Variants in ROBO2 observed in about 807,000 individuals in gnomAD.
ROBO2 encodes the protein roundabout guidance receptor 2.
A neutral mutation model predicts 160.8 loss-of-function variants in ROBO2; 53 were observed. The ratio of observed to expected loss-of-function variants is 0.33; its 90% CI spans 0.26 to 0.41. The LOEUF (loss-of-function observed/expected upper bound fraction) is 0.41. Ranked by LOEUF, ROBO2 falls within the 10% of genes least tolerant of loss-of-function variation. The pLI is 1.00. For missense variants in ROBO2, 1,577 were observed against 1,722.4 expected (o/e 0.92, Z 1.49); for synonymous variants, 664 against 611.7 (o/e 1.09, Z -1.26).
intron 2 of ROBO2, among the ~76,000 whole-genome samples, chr3:77,428,578 G>C (rs974417149): frequency 6.6e-6 from 1 of 150,648 alleles, no homozygotes; most frequent in Non-Finnish European, 1.5e-5. Context: ...GGATGGTCTC[G>C]ATCTCCTGAC....
At chr3:77,222,478 T>A (rs147653168) in intron 2 of ROBO2, among the ~76,000 whole-genome samples, 65 of 152,286 alleles carry the variant, frequency 4.3e-4, no homozygotes, top group Middle Eastern at 3.4e-3. Context: ...AAGACTTTTT[T>A]TTAAATGGAA....
chr3:76,853,073 T>G (rs961327604), intron 2 of ROBO2, among the ~76,000 whole-genome samples: 1 of 152,062 alleles, frequency 6.6e-6, no homozygotes, highest in Non-Finnish European at 1.5e-5. Context: ...TCAGACCTCC[T>G]CATACATCTG....
intron 2 of ROBO2, among the ~76,000 whole-genome samples, chr3:76,100,320 C>T (rs2069633782): frequency 6.6e-6 from 1 of 152,126 alleles, no homozygotes. Flanking sequence ...ATAAATAATA[C>T]ACACATTCTT....
At chr3:76,021,445 G>T (rs2066572367) in intron 2 of ROBO2, among the ~76,000 whole-genome samples, 1 of 151,724 alleles carries the variant, frequency 6.6e-6, no homozygotes, top group Non-Finnish European at 1.5e-5. Context: ...CTAGATGCTT[G>T]ATATAAGAGA....
chr3:76,039,286 C>T (rs2067209709), intron 2 of ROBO2, among the ~76,000 whole-genome samples: 1 of 151,692 alleles, frequency 6.6e-6, no homozygotes, highest in Admixed American at 6.6e-5. Context: ...GTAAAATAGT[C>T]ATTTTGAAGG....
intron 2 of ROBO2, among the ~76,000 whole-genome samples, chr3:76,125,182 C>CT (rs1290003416): frequency 3.9e-5 from 6 of 152,094 alleles, no homozygotes; most frequent in African/African-American, 1.2e-4. Flanking sequence ...TGATTTCATT[C>CT]TTTTTTATGG....
chr3:77,546,267 A>G, intron 6 of ROBO2, 71 bp from the exon 8 acceptor site: 1 of 1,545,414 alleles, frequency 6.5e-7, no homozygotes, highest in Non-Finnish European at 8.9e-7. Context: ...ATAGTACCAT[A>G]TTTTCTCCTT....
chr3:75,969,103 A>AT (rs1212819998), intron 2 of ROBO2, among the ~76,000 whole-genome samples: 4 of 149,842 alleles, frequency 2.7e-5, no homozygotes, highest in Non-Finnish European at 5.9e-5. Flanking sequence ...AAAAATGGCA[A>AT]TTTTAATCTT....
chr3:76,202,462 CT>C (rs1292514171), intron 2 of ROBO2, among the ~76,000 whole-genome samples: 1 of 152,152 alleles, frequency 6.6e-6, no homozygotes. Flanking sequence ...GTAGACAGAA[CT>C]TTATTTCAGT....
At chr3:76,018,024 G>T (rs2066454738) in intron 2 of ROBO2, among the ~76,000 whole-genome samples, 1 of 152,024 alleles carries the variant, frequency 6.6e-6, no homozygotes, top group Admixed American at 6.6e-5. Flanking sequence ...TAAAAAGCTT[G>T]TGTTTTCTCT....
chr3:77,056,358 A>G (rs2065743932), intron 1 of ROBO2, among the ~76,000 whole-genome samples: 1 of 152,190 alleles, frequency 6.6e-6, no homozygotes, highest in African/African-American at 2.4e-5. Flanking sequence ...ATTTTGTTGG[A>G]TGAGATTCAC....
chr3:76,040,086 A>C (rs1254212716), intron 2 of ROBO2, among the ~76,000 whole-genome samples: 1 of 152,000 alleles, frequency 6.6e-6, no homozygotes, highest in African/African-American at 2.4e-5. Context: ...TTTGCTATTC[A>C]ATTTATAGAT....
chr3:76,176,675 T>C (rs1392090889), intron 2 of ROBO2, among the ~76,000 whole-genome samples: 3 of 152,164 alleles, frequency 2.0e-5, no homozygotes, highest in African/African-American at 7.2e-5. Flanking sequence ...AAAATACTCC[T>C]TTTAATTATT....
chr3:77,527,470 C>T (rs759707419), intron 6 of ROBO2, 56 bp downstream of exon 7: 16 of 1,160,648 alleles, frequency 1.4e-5, no homozygotes, highest in Non-Finnish European at 1.8e-5. Context: ...CTTCATAACT[C>T]ATGCATAGTA....
chr3:76,545,485 G>C (rs945063043), intron 2 of ROBO2, among the ~76,000 whole-genome samples: 1 of 151,930 alleles, frequency 6.6e-6, no homozygotes, highest in Non-Finnish European at 1.5e-5. Flanking sequence ...AATTACTGGG[G>C]AAACTGAGAT....
chr3:77,330,606 C>T (rs1178561405), intron 2 of ROBO2, among the ~76,000 whole-genome samples: 1 of 152,110 alleles, frequency 6.6e-6, no homozygotes, highest in Non-Finnish European at 1.5e-5. Flanking sequence ...AGTAAAGAAG[C>T]CTGTATAGAC....
At chr3:76,258,866 T>C (rs994647683) in intron 2 of ROBO2, among the ~76,000 whole-genome samples, 1 of 152,076 alleles carries the variant, frequency 6.6e-6, no homozygotes, top group Non-Finnish European at 1.5e-5. Flanking sequence ...TTGACTGTAA[T>C]TGAGTGTAAG....
At chr3:75,932,217 T>C (rs1281629595) in intron 1 of ROBO2, among the ~76,000 whole-genome samples, 1 of 152,164 alleles carries the variant, frequency 6.6e-6, no homozygotes, top group Non-Finnish European at 1.5e-5. Flanking sequence ...TCCTGTGGGC[T>C]CTCAAACTAT....
chr3:76,814,446 G>A (rs142914671), intron 2 of ROBO2, among the ~76,000 whole-genome samples: 45 of 152,190 alleles, frequency 3.0e-4, no homozygotes, highest in Non-Finnish European at 3.2e-4. Context: ...AATATAGTGC[G>A]TGCCAATCTA....
Sources: allele counts gnomAD v4.1 joint callset (sites outside exome capture counted in the v4.1 genomes callset), GRCh38; gene constraint gnomAD v4.1.1; transcripts MANE v1.5; gene names NCBI Gene and HGNC (gene_info 2026-07-23, HGNC 2026-07-21).